NSMCE2: variants seen among roughly 807,000 people sequenced by gnomAD.
NSMCE2 encodes the protein NSE2 SUMO ligase component of SMC5/6 complex, also known as E3 SUMO-protein ligase NSE2.
Under a neutral mutation model 23.8 loss-of-function variants are expected in NSMCE2, and 24 were observed. The ratio of observed to expected loss-of-function variants is 1.01; its 90% CI spans 0.73 to 1.42. The LOEUF (loss-of-function observed/expected upper bound fraction) is 1.42. Among genes scored for constraint, NSMCE2 ranks in the 40% most tolerant of loss-of-function variants. The pLI is 0.00. For synonymous variants in NSMCE2, 92 were observed against 94.1 expected (o/e 0.98, Z 0.13); for missense variants, 284 against 296.5 (o/e 0.96, Z 0.31).
intron 7 of NSMCE2, among the ~76,000 whole-genome samples, chr8:125,365,251 A>G (rs1813728446): frequency 6.6e-6 from 1 of 152,108 alleles, no homozygotes; most frequent in Non-Finnish European, 1.5e-5. Flanking sequence ...GAAGGGCACT[A>G]CCAGTCACTG....
intron 4 of NSMCE2, among the ~76,000 whole-genome samples, chr8:125,170,694 C>A (rs1000779339): frequency 3.9e-5 from 6 of 152,142 alleles, no homozygotes; most frequent in African/African-American, 1.4e-4. Context: ...AGGCGTGAGC[C>A]ACCGCACCCA....
At chr8:125,294,299 C>A (rs1032478633) in intron 5 of NSMCE2, among the ~76,000 whole-genome samples, 3 of 152,022 alleles carry the variant, frequency 2.0e-5, no homozygotes, top group Non-Finnish European at 4.4e-5. Context: ...TTTTTATTTC[C>A]ATTTCTCGTG....
chr8:125,213,526 TC>T (rs1563722980), intron 5 of NSMCE2, among the ~76,000 whole-genome samples: 5 of 53,120 alleles, frequency 9.4e-5, no homozygotes, highest in African/African-American at 2.9e-4. Context: ...TCTCCTCTCC[TC>T]TCCTCTCCTC....
At chr8:125,128,701 T>A (rs1170690877) in intron 3 of NSMCE2, among the ~76,000 whole-genome samples, 3 of 152,212 alleles carry the variant, frequency 2.0e-5, no homozygotes, top group Admixed American at 1.3e-4. Flanking sequence ...TTCCAGCTTC[T>A]AGAGGCAGTG....
At chr8:125,147,973 T>C (rs1279043214) in intron 3 of NSMCE2, among the ~76,000 whole-genome samples, 1 of 152,188 alleles carries the variant, frequency 6.6e-6, no homozygotes, top group Non-Finnish European at 1.5e-5. Context: ...ATCGTAGGTC[T>C]CTGGTCTCTC....
Position 125,174,861 on chromosome 8 carries a change from A to T in NSMCE2, c.265-7242A>T, listed in dbSNP as rs1451821014. ...AGTCAAAACCATGCTAAATAATGGC[A>T]CTAGGAAACACACTCAGCTACAGAT... On this transcript the variant is annotated intron_variant, in intron 4 of 7. Coordinates refer to ENST00000287437, the MANE Select transcript of NSMCE2 (RefSeq NM_173685.4). Among the ~76,000 whole-genome samples, 8 of 152,308 alleles carry T rather than the reference A, an allele frequency of 5.3e-5. 1 individual carries two copies. The South Asian group carries it at 1.7e-3, about 32-fold the overall frequency.
intron 3 of NSMCE2, among the ~76,000 whole-genome samples, chr8:125,122,648 C>G (rs1238749716): frequency 6.6e-6 from 1 of 152,120 alleles, no homozygotes; most frequent in Non-Finnish European, 1.5e-5. Context: ...AGACATTCCT[C>G]TCCCACCCAA....
At chr8:125,110,762 G>GTTTTTTTTT (rs1017002301) in intron 3 of NSMCE2, among the ~76,000 whole-genome samples, 80 of 41,594 alleles carry the variant, frequency 1.9e-3, no homozygotes, top group East Asian at 4.8e-3. Flanking sequence ...GGTTGTTGTT[G>GTTTTTTTTT]TTTTTTTTTT....
intron 5 of NSMCE2, among the ~76,000 whole-genome samples, chr8:125,190,176 C>T (rs1823285639): frequency 6.6e-6 from 1 of 151,324 alleles, no homozygotes; most frequent in Admixed American, 6.6e-5. Context: ...TTGCCTCTCT[C>T]CTCTTTCCTC....
chr8:125,185,854 G>C (rs1823071509), intron 5 of NSMCE2, among the ~76,000 whole-genome samples: 1 of 151,996 alleles, frequency 6.6e-6, no homozygotes. Flanking sequence ...TCAATTTTTG[G>C]CTTATTTAAA....
At chr8:125,150,426 CTTTT>C (rs71295819) in intron 3 of NSMCE2, among the ~76,000 whole-genome samples, 6 of 61,864 alleles carry the variant, frequency 9.7e-5, no homozygotes, top group Admixed American at 4.9e-4. Context: ...TTCTTTCTTT[CTTTT>C]TTTTTTTTTT....
chr8:125,275,144 C>T (rs1391040301), intron 5 of NSMCE2, among the ~76,000 whole-genome samples: 2 of 151,614 alleles, frequency 1.3e-5, no homozygotes, highest in Non-Finnish European at 2.9e-5. Flanking sequence ...ATATCAAGGC[C>T]CCTAAAACTC....
chr8:125,091,983 A>G (rs555648659), intron 1 of NSMCE2, 25 bp downstream of exon 1: 1 of 152,484 alleles, frequency 6.6e-6, no homozygotes, highest in South Asian at 2.1e-4. Flanking sequence ...GGGGACGGCA[A>G]TGGGGAGGGT....
At chr8:125,234,268 A>T (rs918349134) in intron 5 of NSMCE2, among the ~76,000 whole-genome samples, 1 of 152,146 alleles carries the variant, frequency 6.6e-6, no homozygotes, top group Non-Finnish European at 1.5e-5. Flanking sequence ...GTCAACATTC[A>T]TCTAGACTAA....
intron 1 of NSMCE2, among the ~76,000 whole-genome samples, chr8:125,099,432 G>A (rs1226277490): frequency 2.0e-5 from 3 of 152,074 alleles, no homozygotes; most frequent in African/African-American, 7.3e-5. Context: ...CTGAGGCAGG[G>A]CTGTATTTGA....
intron 3 of NSMCE2, among the ~76,000 whole-genome samples, chr8:125,135,563 T>C (rs1342862090): frequency 5.9e-5 from 9 of 152,208 alleles, no homozygotes; most frequent in Non-Finnish European, 5.9e-5. Context: ...GTTTTGTATA[T>C]GGAATAAGGT....
intron 5 of NSMCE2, among the ~76,000 whole-genome samples, chr8:125,293,274 G>C (rs1828187102): frequency 6.6e-6 from 1 of 152,156 alleles, no homozygotes; most frequent in African/African-American, 2.4e-5. Flanking sequence ...CCCTGCCCAG[G>C]AAGTTTATCA....
At chr8:125,223,748 A>G (rs530610492) in intron 5 of NSMCE2, among the ~76,000 whole-genome samples, 1 of 142,454 alleles carries the variant, frequency 7.0e-6, no homozygotes, top group Non-Finnish European at 1.5e-5. Context: ...TTTTTTCCAT[A>G]TATTTCTTGG....
chr8:125,151,110 A>C (rs1354309143), intron 3 of NSMCE2, 61 bp from the exon 4 acceptor site: 1 of 853,194 alleles, frequency 1.2e-6, no homozygotes, highest in Non-Finnish European at 2.0e-6. Context: ...TATTGATGCA[A>C]CTTTTTCCAG....
Sources: allele counts gnomAD v4.1 joint callset (sites outside exome capture counted in the v4.1 genomes callset), GRCh38; gene constraint gnomAD v4.1.1; transcripts MANE v1.5; gene names NCBI Gene and HGNC (gene_info 2026-07-23, HGNC 2026-07-21).